COL26A1: variants seen among roughly 807,000 people sequenced by gnomAD.
COL26A1 encodes the protein collagen alpha-1(XXVI) chain.
Under a neutral mutation model 59.3 loss-of-function variants are expected in COL26A1, and 41 were observed. The observed-to-expected ratio is 0.69, with a 90% CI of 0.54 to 0.90. The LOEUF is 0.90. COL26A1 is among the 40% of genes least tolerant of loss of function. The pLI, the probability that COL26A1 is intolerant of heterozygous loss-of-function variation, is 0.00. For missense variants in COL26A1, 612 were observed against 602.3 expected (o/e 1.02, Z -0.17); for synonymous variants, 266 against 256.0 (o/e 1.04, Z -0.37).
intron 1 of COL26A1, 30 bp downstream of exon 1, chr7:101,363,220 G>A (rs1050184301): frequency 7.0e-6 from 9 of 1,287,272 alleles, no homozygotes; most frequent in South Asian, 3.0e-5. Context: ...GGGGCCGGGG[G>A]GTGGGGGGAG....
chr7:101,503,717 C>A (rs935682172), intron 3 of COL26A1, among the ~76,000 whole-genome samples: 2 of 152,146 alleles, frequency 1.3e-5, no homozygotes, highest in African/African-American at 4.8e-5. Flanking sequence ...CCAGCACTTG[C>A]GGACAGGGGG....
intron 1 of COL26A1, chr7:101,388,906 T>A (rs6942770): frequency 0.12 from 21,975 of 187,888 alleles, 1,432 homozygotes; most frequent in Non-Finnish European, 0.15. Flanking sequence ...ACTGAGTAGC[T>A]CCTCTTGTAC....
chr7:101,504,204 G>A (rs1278682531), intron 3 of COL26A1, among the ~76,000 whole-genome samples: 1 of 152,014 alleles, frequency 6.6e-6, no homozygotes, highest in African/African-American at 2.4e-5. Context: ...GGGTTCAAGC[G>A]ACTCTCCTGT....
intron 3 of COL26A1, among the ~76,000 whole-genome samples, chr7:101,501,035 G>C (rs1043495487): frequency 3.4e-5 from 5 of 148,918 alleles, no homozygotes; most frequent in African/African-American, 1.2e-4. Context: ...TACAAAAAAA[G>C]TTTAGCCGGG....
intron 3 of COL26A1, among the ~76,000 whole-genome samples, chr7:101,465,879 G>A (rs73398919): frequency 0.019 from 2,963 of 152,214 alleles, 104 homozygotes; most frequent in African/African-American, 0.068. Flanking sequence ...GGGTCCACAC[G>A]TGTTCCCCAA....
Position 101,407,330 on chromosome 7 carries a change from A to G in COL26A1, c.159-12647A>G, listed in dbSNP as rs142190095. Among the ~76,000 whole-genome samples the G allele has an allele frequency of 3.1e-4, 47 of 152,210 alleles. 1 individual carries two copies. Among genetic ancestry groups the G allele is most frequent in the Non-Finnish European group, 6.0e-4 (41 of 68,022 alleles). ...GGCCCTCCGCTTGTCTCTGCTCGAT[A>G]TTCCTGAGGAACCTGTCCTCAACAG... On this transcript the variant is annotated intron_variant, in intron 1 of 12. Coordinates refer to ENST00000313669, the MANE Select transcript of COL26A1 (RefSeq NM_001278563.3).
chr7:101,375,989 G>GA (rs35433251), intron 1 of COL26A1, among the ~76,000 whole-genome samples: 18,943 of 122,570 alleles, frequency 0.15, 2,142 homozygotes, highest in African/African-American at 0.34. Flanking sequence ...CCATCTCAAA[G>GA]AAAAAAAAAA....
chr7:101,396,138 G>A (rs1394192622), intron 1 of COL26A1, among the ~76,000 whole-genome samples: 2 of 151,940 alleles, frequency 1.3e-5, no homozygotes, highest in Non-Finnish European at 2.9e-5. Flanking sequence ...GTGGTGGTGA[G>A]TGCCTATAGT....
intron 1 of COL26A1, among the ~76,000 whole-genome samples, chr7:101,406,305 G>A (rs557125898): frequency 5.9e-5 from 9 of 152,198 alleles, no homozygotes; most frequent in African/African-American, 2.2e-4. Context: ...CACTCCTACT[G>A]TTTTTTGTGC....
Position 101,362,974 on chromosome 7 carries a change from G to T in COL26A1, c.-59G>T. On this transcript the variant is annotated 5_prime_UTR_variant, in exon 1 of 13. Transcript: ENST00000313669. ...TGCCGCGGGTTCGGTCCGGGCGCCG[G>T]TGCGCTCCTGCCGGTCCTCGTGCCC... is the stretch of plus-strand genomic sequence containing the variant. The T allele has an allele frequency of 6.6e-7, 1 of 1,506,094 alleles. No individual in the cohort carries two copies. Among genetic ancestry groups the T allele is most frequent in the Non-Finnish European group, 8.8e-7 (1 of 1,134,446 alleles). The allele number at this position is 1,506,094 out of a possible 1,614,324, so 93.3% of individuals were successfully genotyped here. A position where few individuals can be genotyped will look rare whatever the true frequency, so the allele number is the denominator to read the frequency against.
At chr7:101,373,779 A>G (rs149696756) in intron 1 of COL26A1, among the ~76,000 whole-genome samples, 171 of 152,288 alleles carry the variant, frequency 1.1e-3, no homozygotes, top group African/African-American at 4.0e-3. Flanking sequence ...TTTGATGTTA[A>G]TATCAGTGAG....
At chr7:101,455,989 T>G (rs1249449314) in intron 3 of COL26A1, among the ~76,000 whole-genome samples, 1 of 152,120 alleles carries the variant, frequency 6.6e-6, no homozygotes, top group Non-Finnish European at 1.5e-5. Flanking sequence ...CCTGGCCTGG[T>G]AAGTTTCCTT....
intron 3 of COL26A1, among the ~76,000 whole-genome samples, chr7:101,449,809 T>C (rs1230508097): frequency 6.6e-6 from 1 of 152,048 alleles, no homozygotes; most frequent in East Asian, 1.9e-4. Context: ...ATGCTCATGG[T>C]CATGGTTTAT....
chr7:101,369,986 C>T (rs1035212567), intron 1 of COL26A1, among the ~76,000 whole-genome samples: 14 of 152,070 alleles, frequency 9.2e-5, no homozygotes, highest in African/African-American at 2.2e-4. Flanking sequence ...CTTCAGCCTC[C>T]GTAGTAGCTG....
chr7:101,395,196 A>ACTGT (rs1355505556), intron 1 of COL26A1, among the ~76,000 whole-genome samples: 14 of 151,992 alleles, frequency 9.2e-5, no homozygotes, highest in Non-Finnish European at 1.5e-5. Flanking sequence ...TCTAGATCTC[A>ACTGT]CTGTCATATG....
At chr7:101,555,703 G>T in intron 11 of COL26A1, 84 bp from the exon 12 acceptor site, 1 of 955,578 alleles carries the variant, frequency 1.0e-6, no homozygotes, top group South Asian at 1.5e-5. Flanking sequence ...GGGCTTTGAG[G>T]ACACATACAC....
At chr7:101,538,877 G>T (rs536561279) in intron 4 of COL26A1, among the ~76,000 whole-genome samples, 1 of 152,318 alleles carries the variant, frequency 6.6e-6, no homozygotes, top group South Asian at 2.1e-4. Flanking sequence ...GTGCACCATG[G>T]ACTCTCAGCT....
chr7:101,553,379 A>G lies in COL26A1; in HGVS notation c.1080+3A>G, dbSNP rs1432945775. The G allele has an allele frequency of 6.2e-7, 1 of 1,613,482 alleles. No homozygotes were observed. Among genetic ancestry groups the G allele is most frequent in the East Asian group, 2.2e-5 (1 of 44,886 alleles). On this transcript the variant is annotated splice_donor_region_variant and intron_variant, in intron 11 of 12. Transcript: ENST00000313669. ...GAGAGAAAGCCGCCACTGCAGAGGT[A>G]ACCATGGCTGCCCTTCACGTTCCCT...
intron 3 of COL26A1, among the ~76,000 whole-genome samples, chr7:101,489,756 CTCTT>C (rs1563007772): frequency 1.3e-5 from 1 of 77,702 alleles, no homozygotes; most frequent in Admixed American, 1.1e-4. Context: ...TTTCTTGTCT[CTCTT>C]TCTTTCTTTC....
Sources: allele counts gnomAD v4.1 joint callset (sites outside exome capture counted in the v4.1 genomes callset), GRCh38; gene constraint gnomAD v4.1.1; transcripts MANE v1.5; gene names NCBI Gene and HGNC (gene_info 2026-07-23, HGNC 2026-07-21).